SND1: variants seen among roughly 807,000 people sequenced by gnomAD.
SND1 encodes the protein staphylococcal nuclease domain-containing protein 1.
SND1 carries 38 observed loss-of-function variants against 121.7 expected under a neutral mutation model. The ratio of observed to expected loss-of-function variants is 0.31; its 90% CI spans 0.24 to 0.41. The LOEUF (loss-of-function observed/expected upper bound fraction) is 0.41. Among genes scored for constraint, SND1 ranks in the 10% least tolerant of loss-of-function variants. SND1 has a pLI of 1.00. For synonymous variants in SND1, 401 were observed against 447.4 expected (o/e 0.90, Z 1.31); for missense variants, 868 against 1,184.6 (o/e 0.73, Z 3.92).
At chr7:127,870,486 G>A (rs1799564084) in intron 12 of SND1, among the ~76,000 whole-genome samples, 1 of 152,170 alleles carries the variant, frequency 6.6e-6, no homozygotes, top group South Asian at 2.1e-4. Context: ...AACCCTGATA[G>A]TATAGCCTAC....
chr7:127,897,877 A>G (rs1800151002), intron 13 of SND1, among the ~76,000 whole-genome samples: 1 of 152,012 alleles, frequency 6.6e-6, no homozygotes, highest in Non-Finnish European at 1.5e-5. Flanking sequence ...TGTTTCCTGA[A>G]ATTTTTTTCT....
At chr7:127,719,121 A>G (rs546916512) in intron 9 of SND1, among the ~76,000 whole-genome samples, 2 of 152,306 alleles carry the variant, frequency 1.3e-5, no homozygotes, top group African/African-American at 2.4e-5. Context: ...AGCAGATATC[A>G]TGGAAACTGC....
chr7:127,943,109 A>G (rs1399502228), intron 15 of SND1, among the ~76,000 whole-genome samples: 2 of 152,188 alleles, frequency 1.3e-5, no homozygotes, highest in East Asian at 1.9e-4. Flanking sequence ...GGTTCCTTCA[A>G]CACAGTAGCA....
chr7:128,088,592 A>G (rs1183496318), intron 21 of SND1, among the ~76,000 whole-genome samples: 1 of 151,040 alleles, frequency 6.6e-6, no homozygotes, highest in Non-Finnish European at 1.5e-5. Context: ...AGCTGGGATT[A>G]TAAGTGCCCG....
chr7:127,745,081 A>G (rs1178103193), intron 10 of SND1, among the ~76,000 whole-genome samples: 1 of 152,220 alleles, frequency 6.6e-6, no homozygotes, highest in Admixed American at 6.5e-5. Context: ...AAAGATACTC[A>G]TGGGAAGAGA....
rs576027503 is a variant in SND1 at position 127,668,590 on chromosome 7, C to T, written c.78+16139C>T. ...GAATGGCACTACTGCATATCAAGTA[C>T]AGTGGTGGACTCAGGAGATGACAAC... On this transcript the variant is annotated intron_variant, in intron 1 of 23. Transcript: ENST00000354725. Among the ~76,000 whole-genome samples the T allele has an allele frequency of 2.6e-4, 39 of 152,300 alleles. No individual in the cohort carries two copies. In the Middle Eastern group the frequency reaches 0.01, roughly 40 times the overall value.
At chr7:127,857,718 T>A (rs904349716) in intron 12 of SND1, 1 of 600,164 alleles carries the variant, frequency 1.7e-6, no homozygotes, top group Non-Finnish European at 3.0e-6. Flanking sequence ...GCCCCACAAC[T>A]AAAGGCTTTT....
chr7:127,862,258 C>T (rs1563039430), intron 12 of SND1, among the ~76,000 whole-genome samples: 1 of 152,196 alleles, frequency 6.6e-6, no homozygotes, highest in Non-Finnish European at 1.5e-5. Context: ...GAAGTGTTAA[C>T]AGCACCCTAC....
intron 14 of SND1, among the ~76,000 whole-genome samples, chr7:127,910,894 A>G (rs573529251): frequency 1.3e-5 from 2 of 152,116 alleles, no homozygotes; most frequent in Non-Finnish European, 2.9e-5. Flanking sequence ...CTTCATTCAC[A>G]CAGTAGCTGC....
At chr7:127,905,174 A>G (rs2116766565) in intron 14 of SND1, among the ~76,000 whole-genome samples, 1 of 152,312 alleles carries the variant, frequency 6.6e-6, no homozygotes, top group East Asian at 1.9e-4. Flanking sequence ...GGGAAGTCTT[A>G]GTAGCAAAAG....
chr7:127,967,898 G>A (rs1386454804), intron 15 of SND1, among the ~76,000 whole-genome samples: 1 of 152,226 alleles, frequency 6.6e-6, no homozygotes, highest in Non-Finnish European at 1.5e-5. Context: ...TCCTCTGTAA[G>A]TATTAATTTA....
intron 16 of SND1, chr7:128,030,593 G>T: frequency 1.3e-6 from 2 of 1,596,602 alleles, no homozygotes; most frequent in Non-Finnish European, 1.7e-6. Context: ...GGAGCAGGAT[G>T]GCATTCCAGG....
At chr7:127,917,831 A>G (rs916253577) in intron 14 of SND1, among the ~76,000 whole-genome samples, 1 of 152,236 alleles carries the variant, frequency 6.6e-6, no homozygotes, top group African/African-American at 2.4e-5. Flanking sequence ...CAAATTTCAC[A>G]TGCAGCTTCA....
chr7:127,793,617 A>C (rs761707948), intron 10 of SND1, among the ~76,000 whole-genome samples: 1 of 152,160 alleles, frequency 6.6e-6, no homozygotes, highest in East Asian at 1.9e-4. Flanking sequence ...AACAGGCACC[A>C]TTTCAGTTAT....
chr7:128,028,847 C>T, intron 16 of SND1: 2 of 1,614,162 alleles, frequency 1.2e-6, no homozygotes, highest in South Asian at 1.1e-5. Context: ...GAATTGTGGG[C>T]AGCACTACTG....
intron 16 of SND1, among the ~76,000 whole-genome samples, chr7:128,036,084 T>C (rs1309745193): frequency 6.6e-6 from 1 of 152,158 alleles, no homozygotes; most frequent in East Asian, 1.9e-4. Context: ...AAAAGTAGTA[T>C]GGAAATTGCC....
intron 8 of SND1, among the ~76,000 whole-genome samples, chr7:127,705,813 G>A (rs1172117452): frequency 1.3e-5 from 2 of 152,168 alleles, no homozygotes; most frequent in Non-Finnish European, 2.9e-5. Context: ...TGTATGACTT[G>A]TTTCAGAATC....
At chr7:127,741,602 A>G (rs1418573597) in intron 10 of SND1, among the ~76,000 whole-genome samples, 1 of 152,084 alleles carries the variant, frequency 6.6e-6, no homozygotes. Flanking sequence ...GTGCTTCTCT[A>G]CTAGCCCTTT....
At chr7:127,731,265 A>G (rs1028870455) in intron 10 of SND1, among the ~76,000 whole-genome samples, 3 of 152,278 alleles carry the variant, frequency 2.0e-5, no homozygotes, top group African/African-American at 7.2e-5. Flanking sequence ...GAGAATTGGC[A>G]GACAGTTCCA....
Sources: gnomAD v4.1 joint callset for allele counts (sites outside exome capture counted in the v4.1 genomes callset) on GRCh38, gnomAD v4.1.1 for gene constraint, MANE v1.5 for transcripts, NCBI Gene and HGNC (gene_info 2026-07-23, HGNC 2026-07-21) for gene names.